The following GPC6 variants were observed in gnomAD, a reference collection of about 807,000 sequenced individuals.
The protein encoded by GPC6 is glypican 6, also known as glypican-6.
In GPC6, 14 loss-of-function variants were observed where a neutral mutation model predicts 55.2. The observed-to-expected ratio is 0.25, with a 90% confidence interval of 0.17 to 0.40. The LOEUF is 0.40. GPC6 is among the 10% of genes least tolerant of loss of function. GPC6 has a pLI of 1.00. For missense variants in GPC6, 641 were observed against 708.5 expected (o/e 0.90, Z 1.08); for synonymous variants, 278 against 259.6 (o/e 1.07, Z -0.68).
At chr13:94,052,846 T>C (rs1883999723) in intron 4 of GPC6, among the ~76,000 whole-genome samples, 1 of 152,138 alleles carries the variant, frequency 6.6e-6, no homozygotes, top group Non-Finnish European at 1.5e-5. Context: ...CTTGGGACTC[T>C]GGCTCATTGA....
At chr13:94,269,601 G>A (rs763144644) in intron 4 of GPC6, among the ~76,000 whole-genome samples, 14 of 152,050 alleles carry the variant, frequency 9.2e-5, no homozygotes, top group East Asian at 7.7e-4. Context: ...GTTTGCTTCC[G>A]TGGGCTGCAT....
chr13:93,642,944 G>A (rs959458053), intron 2 of GPC6, among the ~76,000 whole-genome samples: 5 of 151,990 alleles, frequency 3.3e-5, no homozygotes, highest in East Asian at 1.9e-4. Flanking sequence ...AAGTAAAAGA[G>A]TTTGCACCTA....
chr13:94,217,731 C>G (rs1322976982), intron 4 of GPC6, among the ~76,000 whole-genome samples: 1 of 152,150 alleles, frequency 6.6e-6, no homozygotes, highest in Non-Finnish European at 1.5e-5. Flanking sequence ...ATAAATAAAG[C>G]AAGTAGGATC....
At chr13:93,337,346 A>G (rs1880082011) in intron 1 of GPC6, among the ~76,000 whole-genome samples, 1 of 152,190 alleles carries the variant, frequency 6.6e-6, no homozygotes, top group Non-Finnish European at 1.5e-5. Flanking sequence ...TTGATATGCT[A>G]CCTACTACTA....
chr13:93,872,475 G>T (rs184694578), intron 3 of GPC6, among the ~76,000 whole-genome samples: 16 of 152,046 alleles, frequency 1.1e-4, no homozygotes, highest in Non-Finnish European at 1.3e-4. Flanking sequence ...GAAGTCAAAA[G>T]TCCAAAATGG....
At chr13:94,160,399 T>C (rs922795389) in intron 4 of GPC6, among the ~76,000 whole-genome samples, 3 of 152,190 alleles carry the variant, frequency 2.0e-5, no homozygotes, top group African/African-American at 7.2e-5. Flanking sequence ...AAGTCACAGA[T>C]AGGAAGTAAA....
intron 3 of GPC6, among the ~76,000 whole-genome samples, chr13:93,908,265 A>G (rs1323385768): frequency 2.0e-5 from 3 of 152,170 alleles, no homozygotes; most frequent in Non-Finnish European, 4.4e-5. Flanking sequence ...TAAATTGCAG[A>G]CTTCATAAAT....
At chr13:93,446,912 TAAA>T (rs1318017444) in intron 1 of GPC6, among the ~76,000 whole-genome samples, 4 of 151,686 alleles carry the variant, frequency 2.6e-5, no homozygotes, top group Admixed American at 6.6e-5. Context: ...AAAGAATTTT[TAAA>T]AAAATCAATG....
chr13:93,316,976 A>T (rs1447962584), intron 1 of GPC6, among the ~76,000 whole-genome samples: 2 of 152,274 alleles, frequency 1.3e-5, no homozygotes, highest in East Asian at 3.9e-4. Flanking sequence ...CTATGTTAGC[A>T]CTGTGAGCCA....
chr13:93,907,695 T>C (rs886085644), intron 3 of GPC6, among the ~76,000 whole-genome samples: 2 of 152,192 alleles, frequency 1.3e-5, no homozygotes, highest in Non-Finnish European at 2.9e-5. Flanking sequence ...AAGTCAGATC[T>C]CTGAAGCTGT....
intron 4 of GPC6, among the ~76,000 whole-genome samples, chr13:94,123,357 A>T (rs1285230003): frequency 6.6e-6 from 1 of 152,070 alleles, no homozygotes; most frequent in East Asian, 1.9e-4. Flanking sequence ...TGTTAAATAC[A>T]AACACTTCCC....
chr13:93,451,286 A>G (rs1412492671), intron 1 of GPC6, among the ~76,000 whole-genome samples: 2 of 152,248 alleles, frequency 1.3e-5, no homozygotes, highest in Admixed American at 1.3e-4. Context: ...TGAGCTGAGA[A>G]AACTTCTGCT....
chr13:94,199,195 C>A (rs957230860), intron 4 of GPC6, among the ~76,000 whole-genome samples: 5 of 152,216 alleles, frequency 3.3e-5, no homozygotes, highest in Non-Finnish European at 7.3e-5. Context: ...AATATCCTAG[C>A]TAAAATCTGC....
At chr13:93,409,381 T>C (rs1231329091) in intron 1 of GPC6, among the ~76,000 whole-genome samples, 2 of 152,166 alleles carry the variant, frequency 1.3e-5, no homozygotes, top group African/African-American at 2.4e-5. Context: ...TTTTGATATG[T>C]CACACTTGCA....
chr13:94,397,054 G>T (rs959986932), intron 7 of GPC6, among the ~76,000 whole-genome samples: 3 of 152,090 alleles, frequency 2.0e-5, no homozygotes, highest in Admixed American at 2.0e-4. Context: ...GTAGTTATTG[G>T]ACATTAGCTA....
At position 93,893,729 on chromosome 13, in the gene GPC6, C is replaced by A. The variant is rs1875826800; in HGVS notation, c.711+63184C>A. ...ACAAAAATCAGAAGATCTGAGCTTT[C>A]CTCTCTCTTCCACTGTCACTGGCTG... On this transcript the variant is annotated intron_variant, in intron 3 of 8. Transcript: ENST00000377047. 2.6e-5 allele frequency among the ~76,000 whole-genome samples: 4 copies of A among 152,274 alleles called. No individual in the cohort carries two copies. In the South Asian group the frequency reaches 8.3e-4, roughly 32 times the overall value.
intron 4 of GPC6, among the ~76,000 whole-genome samples, chr13:94,097,075 A>G (rs114825504): frequency 4.2e-4 from 64 of 151,312 alleles, no homozygotes; most frequent in African/African-American, 1.4e-3. Flanking sequence ...CACAGTGCCC[A>G]ACACACAGTA....
intron 3 of GPC6, among the ~76,000 whole-genome samples, chr13:93,923,922 G>A (rs977906004): frequency 2.6e-5 from 4 of 152,130 alleles, no homozygotes; most frequent in Admixed American, 6.5e-5. Flanking sequence ...TCTTATTTGT[G>A]TATAAAGTGA....
At chr13:93,725,870 T>C (rs1292812458) in intron 2 of GPC6, among the ~76,000 whole-genome samples, 1 of 152,092 alleles carries the variant, frequency 6.6e-6, no homozygotes, top group Non-Finnish European at 1.5e-5. Context: ...ATACATTCAC[T>C]TTATTTTGTC....
Sources: allele counts gnomAD v4.1 joint callset (sites outside exome capture counted in the v4.1 genomes callset), GRCh38; gene constraint gnomAD v4.1.1; transcripts MANE v1.5; gene names NCBI Gene and HGNC (gene_info 2026-07-23, HGNC 2026-07-21).